Variants in PPP1R2 observed in about 807,000 individuals in gnomAD.
PPP1R2 encodes the protein protein phosphatase 1 regulatory inhibitor subunit 2.
A neutral mutation model predicts 29.9 loss-of-function variants in PPP1R2; 16 were observed. The ratio of observed to expected loss-of-function variants is 0.53; its 90% CI spans 0.36 to 0.81. The LOEUF (loss-of-function observed/expected upper bound fraction) is 0.81, where lower values mean the gene tolerates loss of function less well. Ranked by LOEUF, PPP1R2 falls within the 30% of genes least tolerant of loss-of-function variation. The pLI is 0.00. For missense variants in PPP1R2, 197 were observed against 252.7 expected (o/e 0.78, Z 1.49); for synonymous variants, 76 against 91.5 (o/e 0.83, Z 0.96).
At position 195,516,007 on chromosome 3, in the gene PPP1R2, T is replaced by C. The variant is rs993723320; in HGVS notation, c.*889A>G. Reference sequence around the variant, plus strand: ...ACAGAAGAGTGAGAGAAAGAGCTCCTAATGTGGTGACAGTCTTAATGATCC... The same window carrying C: ...ACAGAAGAGTGAGAGAAAGAGCTCCCAATGTGGTGACAGTCTTAATGATCC... On this transcript the variant is annotated 3_prime_UTR_variant, in exon 6 of 6. Coordinates refer to ENST00000618156, the MANE Select transcript of PPP1R2 (RefSeq NM_006241.8). The C allele has an allele frequency of 5.3e-5, 8 of 152,146 alleles. No homozygotes were observed. Among genetic ancestry groups the C allele is most frequent in the African/African-American group, 1.9e-4 (8 of 41,442 alleles). 9.4% of individuals were successfully genotyped at this position (152,146 alleles called of 1,614,324 possible).
At chr3:195,521,360 T>C (rs1486578203) in intron 4 of PPP1R2, among the ~76,000 whole-genome samples, 1 of 149,228 alleles carries the variant, frequency 6.7e-6, no homozygotes, top group Non-Finnish European at 1.5e-5. Flanking sequence ...ATTACCCAGT[T>C]TAGACAATAA....
At chr3:195,540,719 C>G (rs1198423257) in intron 1 of PPP1R2, among the ~76,000 whole-genome samples, 1 of 152,136 alleles carries the variant, frequency 6.6e-6, no homozygotes, top group Non-Finnish European at 1.5e-5. Flanking sequence ...GCTCAGCTTC[C>G]TTGCCATGTG....
chr3:195,537,747 G>A, intron 1 of PPP1R2, among the ~76,000 whole-genome samples: 1 of 151,660 alleles, frequency 6.6e-6, no homozygotes, highest in East Asian at 1.9e-4. Flanking sequence ...AATATTCAAA[G>A]TCTCACTCAA....
intron 1 of PPP1R2, among the ~76,000 whole-genome samples, chr3:195,535,218 A>G (rs1052267989): frequency 3.9e-5 from 6 of 152,210 alleles, no homozygotes; most frequent in African/African-American, 1.4e-4. Context: ...CACAGTTCAC[A>G]ATAGGGTTCA....
chr3:195,526,298 A>C (rs575728080), intron 2 of PPP1R2, among the ~76,000 whole-genome samples: 2 of 151,872 alleles, frequency 1.3e-5, no homozygotes, highest in African/African-American at 4.8e-5. Flanking sequence ...GGGTCTCTCT[A>C]TGTTGCCCAG....
chr3:195,523,782 C>T lies in PPP1R2; in HGVS notation c.313G>A (p.Ala105Thr). Reference sequence around the variant, plus strand: ...TTTGGCTCCAAGCCTTCAGCTGCAGCTAATCTATGCAACAATCATGTACAA... The same window carrying T: ...TTTGGCTCCAAGCCTTCAGCTGCAGTTAATCTATGCAACAATCATGTACAA... ...MAPDILARKL[A>T]AAEGLEPKYR... Residue 105 changes from alanine to threonine, a missense_variant, in exon 4 of 6, where the codon GCT (alanine) becomes ACT (threonine). This residue lies in a region of PPP1R2 where 135 missense variants were observed against 163.0 expected (regional missense o/e 0.83). Transcript: ENST00000618156. The T allele has an allele frequency of 6.2e-7, 1 of 1,613,304 alleles. No homozygotes were observed. Among genetic ancestry groups the T allele is most frequent in the Non-Finnish European group, 8.5e-7 (1 of 1,179,324 alleles).
At chr3:195,536,337 G>T (rs1205060006) in intron 1 of PPP1R2, among the ~76,000 whole-genome samples, 1 of 150,546 alleles carries the variant, frequency 6.6e-6, no homozygotes, top group African/African-American at 2.4e-5. Flanking sequence ...TTATAGGTGT[G>T]AGACACCGCA....
chr3:195,542,796 G>A (rs113678843), intron 1 of PPP1R2, 108 bp downstream of exon 1: 12 of 1,337,012 alleles, frequency 9.0e-6, no homozygotes, highest in African/African-American at 7.6e-5. Flanking sequence ...GAAGAGACTC[G>A]AGCGGCACCC....
At chr3:195,522,734 G>C (rs1718808855) in intron 4 of PPP1R2, among the ~76,000 whole-genome samples, 1 of 152,098 alleles carries the variant, frequency 6.6e-6, no homozygotes, top group African/African-American at 2.4e-5. Context: ...CTGTTGAACA[G>C]GCTATATTCT....
chr3:195,517,162 T>C (rs1577560123), intron 5 of PPP1R2, among the ~76,000 whole-genome samples: 1 of 152,026 alleles, frequency 6.6e-6, no homozygotes, highest in South Asian at 2.1e-4. Context: ...AACAAACAGG[T>C]TTCAGATTGA....
At chr3:195,523,853 A>C (rs1718861782) in intron 3 of PPP1R2, 67 bp from the exon 4 acceptor site, 9 of 1,289,790 alleles carry the variant, frequency 7.0e-6, no homozygotes, top group Non-Finnish European at 1.0e-5. Context: ...GCCTTATTCA[A>C]CTGTTGATTC....
intron 1 of PPP1R2, among the ~76,000 whole-genome samples, chr3:195,540,455 T>C (rs918805767): frequency 2.0e-5 from 3 of 152,180 alleles, no homozygotes; most frequent in Admixed American, 6.5e-5. Flanking sequence ...TCAAAGAGGA[T>C]CTCATAAAGT....
intron 1 of PPP1R2, among the ~76,000 whole-genome samples, chr3:195,538,696 T>C (rs1486169606): frequency 1.3e-5 from 2 of 152,178 alleles, no homozygotes; most frequent in Non-Finnish European, 2.9e-5. Flanking sequence ...AGAATTTGAA[T>C]TGAACAGAAT....
intron 1 of PPP1R2, among the ~76,000 whole-genome samples, chr3:195,540,828 C>T (rs983279704): frequency 5.3e-5 from 8 of 152,076 alleles, no homozygotes; most frequent in Non-Finnish European, 1.0e-4. Context: ...CCTCCAGAAC[C>T]GTAAGAAATA....
chr3:195,527,948 G>A (rs766838914), intron 2 of PPP1R2: 6 of 319,552 alleles, frequency 1.9e-5, no homozygotes, highest in Non-Finnish European at 3.1e-5. Flanking sequence ...TTTTTAGCAT[G>A]CGTATTTTTT....
chr3:195,524,554 G>A (rs940331016), intron 3 of PPP1R2, among the ~76,000 whole-genome samples: 1 of 152,134 alleles, frequency 6.6e-6, no homozygotes, highest in Non-Finnish European at 1.5e-5. Flanking sequence ...CCACAGGGAA[G>A]TGACACATTT....
intron 5 of PPP1R2, among the ~76,000 whole-genome samples, chr3:195,518,801 A>T (rs752401761): frequency 6.6e-6 from 1 of 152,180 alleles, no homozygotes; most frequent in Non-Finnish European, 1.5e-5. Context: ...AAAGCCATAT[A>T]ATAAAACATA....
At chr3:195,521,835 G>A (rs1718774785) in intron 4 of PPP1R2, among the ~76,000 whole-genome samples, 1 of 152,038 alleles carries the variant, frequency 6.6e-6, no homozygotes, top group African/African-American at 2.4e-5. Flanking sequence ...ATTTTTAGTA[G>A]AGATGGGGTT....
chr3:195,523,784 A>C lies in PPP1R2; in HGVS notation c.311T>G (p.Leu104Ter), dbSNP rs756904324. The change falls in exon 4 of 6, where the codon TTA (leucine) becomes TGA (stop). Residue 104 changes from leucine (L) to a stop codon, truncating the protein, a stop_gained and splice_region_variant. Coordinates refer to ENST00000618156, the MANE Select transcript of PPP1R2 (RefSeq NM_006241.8). LOFTEE classifies it high-confidence loss of function. Reference sequence around the variant, plus strand: ...TGGCTCCAAGCCTTCAGCTGCAGCTAATCTATGCAACAATCATGTACAAAG... The same window carrying C: ...TGGCTCCAAGCCTTCAGCTGCAGCTCATCTATGCAACAATCATGTACAAAG... Reference protein sequence around the residue: ...AMAPDILARKLAAAEGLEPKY... With the variant: ...AMAPDILARK 1 of 1,613,126 alleles carries C rather than the reference A, an allele frequency of 6.2e-7. No homozygotes were observed. The highest frequency in any genetic ancestry group is 8.5e-7 in the Non-Finnish European group (1 of 1,179,124).
Sources: gnomAD v4.1 joint callset for allele counts (sites outside exome capture counted in the v4.1 genomes callset) on GRCh38, gnomAD v4.1.1 for gene constraint, gnomAD v4.1.1 regional missense constraint, MANE v1.5 for transcripts, NCBI Gene and HGNC (gene_info 2026-07-23, HGNC 2026-07-21) for gene names.